ANGPT2: variants seen among roughly 807,000 people sequenced by gnomAD.
The protein encoded by ANGPT2 is angiopoietin 2, also known as angiopoietin-2.
In ANGPT2, 28 loss-of-function variants were observed where a neutral mutation model predicts 62.9. That is an observed-to-expected ratio of 0.44 (90% CI 0.33 to 0.61). The LOEUF (loss-of-function observed/expected upper bound fraction) is 0.61, where lower values mean the gene tolerates loss of function less well. Among genes scored for constraint, ANGPT2 ranks in the 20% least tolerant of loss-of-function variants. The pLI is 0.03. For synonymous variants in ANGPT2, 284 were observed against 207.8 expected (o/e 1.37, Z -3.15); for missense variants, 727 against 594.9 (o/e 1.22, Z -2.31).
At chr8:6,522,089 C>G (rs1323067600) in intron 3 of ANGPT2, among the ~76,000 whole-genome samples, 1 of 152,240 alleles carries the variant, frequency 6.6e-6, no homozygotes, top group Middle Eastern at 3.2e-3. Context: ...GGCGCAGTGG[C>G]TCACGCTTGT....
chr8:6,543,513 G>C (rs1821980501), intron 1 of ANGPT2, among the ~76,000 whole-genome samples: 1 of 152,184 alleles, frequency 6.6e-6, no homozygotes, highest in Non-Finnish European at 1.5e-5. Flanking sequence ...GGAGCATCCA[G>C]CTCCCATCTG....
In ANGPT2 at chr8:6,503,109, C is replaced by A; in HGVS notation, c.1480G>T (p.Asp494Tyr). The change falls in exon 9 of 9, where the codon GAT becomes TAT. Residue 494 changes from aspartate to tyrosine, a missense_variant. By Grantham distance (160) the Asp-to-Tyr change is radical. Coordinates refer to ENST00000629816, the MANE Select transcript of ANGPT2 (RefSeq NM_001118887.2). ...CAGGTGGACTGGGATGTTTAGAAATCTGCTGGTCGGATCATCATGGTTGTG... is the reference window on the plus strand; with the variant it reads ...CAGGTGGACTGGGATGTTTAGAAATATGCTGGTCGGATCATCATGGTTGTG... ...KATTMMIRPA[D>Y]F 2 of 1,614,166 alleles carry A rather than the reference C, an allele frequency of 1.2e-6. No individual in the cohort carries two copies. Among genetic ancestry groups the A allele is most frequent in the Admixed American group, 1.7e-5 (1 of 60,022 alleles).
At position 6,542,212 on chromosome 8, in the gene ANGPT2, T is replaced by A. The variant is rs141332776; in HGVS notation, c.289-9725A>T. 2.4e-4 allele frequency among the ~76,000 whole-genome samples: 36 copies of A among 152,312 alleles called. 1 individual carries two copies. The highest frequency in any genetic ancestry group is 1.2e-3 in the South Asian group (6 of 4,820). ...ATAATGTAACAAAATGTCTCAGTGT[T>A]TTTCTATGCCAAATAGAATCTTATG... is the stretch of plus-strand genomic sequence containing the variant. On this transcript the variant is annotated intron_variant, in intron 1 of 8. Coordinates refer to ENST00000629816, the MANE Select transcript of ANGPT2 (RefSeq NM_001118887.2).
chr8:6,539,004 C>T (rs189364313), intron 1 of ANGPT2, among the ~76,000 whole-genome samples: 3 of 148,676 alleles, frequency 2.0e-5, no homozygotes, highest in Admixed American at 6.8e-5. Flanking sequence ...ACTGGGCTCT[C>T]CTCCCCCTCC....
intron 1 of ANGPT2, among the ~76,000 whole-genome samples, chr8:6,545,219 C>A (rs1822355537): frequency 6.6e-6 from 1 of 152,072 alleles, no homozygotes; most frequent in Non-Finnish European, 1.5e-5. Flanking sequence ...CACGAGGGAG[C>A]CTTCTGGAGT....
At chr8:6,531,774 G>A (rs1287993877) in intron 2 of ANGPT2, among the ~76,000 whole-genome samples, 1 of 142,284 alleles carries the variant, frequency 7.0e-6, no homozygotes, top group Middle Eastern at 3.2e-3. Flanking sequence ...TGGAGCCATG[G>A]CAGCGCTCAG....
At chr8:6,537,598 T>C (rs1820743356) in intron 1 of ANGPT2, among the ~76,000 whole-genome samples, 3 of 151,982 alleles carry the variant, frequency 2.0e-5, no homozygotes, top group Admixed American at 6.5e-5. Context: ...GTGCAAAATA[T>C]GTTCTGAAGT....
chr8:6,548,415 AT>A (rs144205826), intron 1 of ANGPT2, among the ~76,000 whole-genome samples: 49 of 152,250 alleles, frequency 3.2e-4, no homozygotes, highest in African/African-American at 1.2e-3. Context: ...CAGAATTAGG[AT>A]TTTGATCCTC....
chr8:6,551,112 G>A (rs1028438839), intron 1 of ANGPT2, among the ~76,000 whole-genome samples: 2 of 152,138 alleles, frequency 1.3e-5, no homozygotes, highest in African/African-American at 4.8e-5. Context: ...ACGGCTCCTG[G>A]GCCCCTGACT....
At chr8:6,513,296 C>G (rs1279540364) in intron 7 of ANGPT2, among the ~76,000 whole-genome samples, 1 of 151,960 alleles carries the variant, frequency 6.6e-6, no homozygotes, top group Non-Finnish European at 1.5e-5. Context: ...GGAATAGTCA[C>G]CCAGCAAACC....
chr8:6,514,117 A>G (rs1815747865), intron 6 of ANGPT2, among the ~76,000 whole-genome samples: 1 of 152,206 alleles, frequency 6.6e-6, no homozygotes, highest in Non-Finnish European at 1.5e-5. Flanking sequence ...AGCTCAGTTC[A>G]TGGGAATGTG....
intron 5 of ANGPT2, among the ~76,000 whole-genome samples, chr8:6,519,072 G>A (rs1816824405): frequency 6.6e-6 from 1 of 152,106 alleles, no homozygotes; most frequent in Non-Finnish European, 1.5e-5. Flanking sequence ...TGCAGTAATT[G>A]GACATATGCC....
At chr8:6,509,466 G>T (rs1031676862) in intron 7 of ANGPT2, among the ~76,000 whole-genome samples, 2 of 152,180 alleles carry the variant, frequency 1.3e-5, no homozygotes, top group African/African-American at 4.8e-5. Context: ...TTTTCCGCAG[G>T]GGGCCCCGGG....
At chr8:6,512,813 G>T (rs552058201) in intron 7 of ANGPT2, among the ~76,000 whole-genome samples, 11 of 152,322 alleles carry the variant, frequency 7.2e-5, no homozygotes, top group Non-Finnish European at 1.3e-4. Context: ...AATGGGTGAG[G>T]ACAAGGTAAA....
At chr8:6,524,901 G>C (rs1041959313) in intron 3 of ANGPT2, among the ~76,000 whole-genome samples, 1 of 152,230 alleles carries the variant, frequency 6.6e-6, no homozygotes, top group African/African-American at 2.4e-5. Context: ...AGTAGCCTTA[G>C]GCTGGGAATC....
rs1273333666 is a variant in ANGPT2, at chr8:6,552,160, T to A, written c.288+10487A>T. Among the ~76,000 whole-genome samples, 3 of 152,226 alleles carry A rather than the reference T, an allele frequency of 2.0e-5. No individual in the cohort carries two copies. In the East Asian group the frequency reaches 5.8e-4, roughly 29 times the overall value. Reference sequence around the variant, plus strand: ...CTTGACTGCTTAACCCCAAAATGCCTGCTTAGAAGGTAGTTTGGGGCTATC... The same window carrying A: ...CTTGACTGCTTAACCCCAAAATGCCAGCTTAGAAGGTAGTTTGGGGCTATC... On this transcript the variant is annotated intron_variant, in intron 1 of 8. Transcript: ENST00000629816.
chr8:6,543,973 A>G (rs1822077405), intron 1 of ANGPT2, among the ~76,000 whole-genome samples: 2 of 152,226 alleles, frequency 1.3e-5, no homozygotes, highest in African/African-American at 2.4e-5. Flanking sequence ...TAAAGTTGCA[A>G]TATATTTTAA....
rs369471976 is a variant in ANGPT2 at position 6,527,563 on chromosome 8, A to G, written c.558T>C (p.Asp186=). The G allele has an allele frequency of 1.2e-5, 20 of 1,613,620 alleles. No homozygotes were observed. The African/African-American group carries it at 2.3e-4, about 18-fold the overall frequency. The change falls in exon 3 of 9, where the codon GAT becomes GAC. Residue 186 remains aspartate, a synonymous_variant. Coordinates refer to ENST00000629816, the MANE Select transcript of ANGPT2 (RefSeq NM_001118887.2). The part of the protein sequence containing the change: ...DQTSEINKLQ[D]KNSFLEKKVL... ...TTTAGTACTGTTATTACCTGTTCTT[A>G]TCTTGCAATTTGTTTATTTCACTGG...
At chr8:6,503,871 A>C (rs906675307) in intron 8 of ANGPT2, among the ~76,000 whole-genome samples, 5 of 152,190 alleles carry the variant, frequency 3.3e-5, no homozygotes, top group African/African-American at 9.7e-5. Flanking sequence ...TCTGCACCTT[A>C]ATTTCTGGGC....
Sources: gnomAD v4.1 joint callset for allele counts (sites outside exome capture counted in the v4.1 genomes callset) on GRCh38, gnomAD v4.1.1 for gene constraint, MANE v1.5 for transcripts, NCBI Gene and HGNC (gene_info 2026-07-23, HGNC 2026-07-21) for gene names.